Variants in MEI4 observed in about 807,000 individuals in gnomAD.
MEI4 encodes meiosis-specific protein MEI4.
Under a neutral mutation model 31.4 loss-of-function variants are expected in MEI4, and 27 were observed. That is an observed-to-expected ratio of 0.86 (90% confidence interval 0.63 to 1.19). MEI4 has a LOEUF of 1.19. Among genes scored for constraint, MEI4 ranks in the 50% most tolerant of loss-of-function variants. MEI4 has a pLI of 0.00. For synonymous variants in MEI4, 122 were observed against 145.4 expected, an observed-to-expected ratio of 0.84 and a Z score of 1.16; for missense variants, 329 against 398.9, an observed-to-expected ratio of 0.82 and a Z score of 1.49.
At position 77,764,732 on chromosome 6, in the gene MEI4, T is replaced by A. The variant is rs183801123; in HGVS notation, c.768+3067T>A. Among the ~76,000 whole-genome samples, 26 of 152,316 alleles carry A rather than the reference T, an allele frequency of 1.7e-4. 1 individual carries two copies. The East Asian group carries it at 4.8e-3, about 28-fold the overall frequency. ...GTCACAAAACATGTCTTAACCATTT[T>A]AGAAGTTCAAAAGCTTTCTAGATGT... is the stretch of plus-strand genomic sequence containing the variant. On this transcript the variant is annotated intron_variant, in intron 3 of 4. Coordinates refer to ENST00000684080, the MANE Select transcript of MEI4 (RefSeq NM_001322247.2).
intron 4 of MEI4, among the ~76,000 whole-genome samples, chr6:77,891,994 T>G (rs1269030878): frequency 1.3e-5 from 2 of 152,204 alleles, no homozygotes; most frequent in Non-Finnish European, 2.9e-5. Flanking sequence ...GGCAGGTCCT[T>G]GGGCACAGGT....
chr6:77,881,743 G>A (rs1200666969), intron 4 of MEI4, among the ~76,000 whole-genome samples: 1 of 152,204 alleles, frequency 6.6e-6, no homozygotes, highest in Non-Finnish European at 1.5e-5. Context: ...AAAAGTGAAA[G>A]TGTCTTAGAC....
upstream of MEI4, among the ~76,000 whole-genome samples, chr6:77,650,453 T>A (rs911117873): frequency 2.0e-5 from 3 of 152,210 alleles, no homozygotes; most frequent in East Asian, 3.9e-4. Context: ...GTTTCCCCGC[T>A]GGCTCTGGTG....
chr6:77,700,543 C>G (rs533363048), intron 2 of MEI4, among the ~76,000 whole-genome samples: 1 of 152,204 alleles, frequency 6.6e-6, no homozygotes, highest in Non-Finnish European at 1.5e-5. Context: ...TTGCGCTTCC[C>G]GAGTGAGGCA....
At chr6:77,784,268 G>A (rs949271504) in intron 3 of MEI4, among the ~76,000 whole-genome samples, 3 of 152,124 alleles carry the variant, frequency 2.0e-5, no homozygotes, top group Admixed American at 1.3e-4. Context: ...CTTTGTTTTT[G>A]ATGATTTAAT....
intron 2 of MEI4, among the ~76,000 whole-genome samples, chr6:77,711,953 A>G (rs1435930593): frequency 6.6e-6 from 1 of 152,198 alleles, no homozygotes; most frequent in South Asian, 2.1e-4. Context: ...TCCTTAAATT[A>G]GTAGTAATAC....
rs570669368 is a variant in MEI4 at position 77,658,831 on chromosome 6, G to T, written c.-15+5739G>T. Among the ~76,000 whole-genome samples the T allele has an allele frequency of 3.3e-5, 5 of 152,264 alleles. No homozygotes were observed. In the South Asian group the frequency reaches 1.0e-3, roughly 32 times the overall value. On this transcript the variant is annotated intron_variant, in intron 1 of 4. Transcript: ENST00000684080. ...GACCCAGGACATCCAATTAGAGAGT[G>T]CCCAAGGGGGTTCAGCATAATTACT...
At chr6:77,682,154 A>T (rs530369191) in intron 1 of MEI4, among the ~76,000 whole-genome samples, 3 of 152,264 alleles carry the variant, frequency 2.0e-5, no homozygotes, top group Admixed American at 2.0e-4. Context: ...CCACACCGGG[A>T]TTTGATAAAT....
intron 4 of MEI4, among the ~76,000 whole-genome samples, chr6:77,839,393 C>G (rs1215072757): frequency 3.3e-5 from 5 of 152,256 alleles, no homozygotes; most frequent in Middle Eastern, 3.4e-3. Flanking sequence ...CTATCCTTCT[C>G]CAGCCCTTTG....
chr6:77,836,453 G>A (rs568599028), intron 4 of MEI4, among the ~76,000 whole-genome samples: 1 of 152,164 alleles, frequency 6.6e-6, no homozygotes, highest in African/African-American at 2.4e-5. Context: ...ATATTAGCAG[G>A]AGAAATCTCA....
At chr6:77,863,721 C>T (rs1204051708) in intron 4 of MEI4, among the ~76,000 whole-genome samples, 2 of 151,956 alleles carry the variant, frequency 1.3e-5, no homozygotes, top group Non-Finnish European at 2.9e-5. Context: ...ATTCAGGAAA[C>T]ACAGAGAATG....
In MEI4 at chr6:77,926,886, TTTA is replaced by T. The variant is rs1263679195; in HGVS notation, c.*3546_*3548del. On this transcript the variant is annotated 3_prime_UTR_variant, in exon 5 of 5. Transcript: ENST00000684080. ...CTAATATTGAAAAAATATATAGGAT[TTTA>T]TTATTGTTAAAAGTTAATTGATTCC... 6.6e-5 allele frequency: 10 copies of T among 151,940 alleles called. No individual in the cohort carries two copies. The highest frequency in any genetic ancestry group is 2.4e-4 in the African/African-American group (10 of 41,416). The allele number at this position is 151,940 out of a possible 1,614,324, so 9.4% of individuals were successfully genotyped here. A position where few individuals can be genotyped will look rare whatever the true frequency, so the allele number is the denominator to read the frequency against.
chr6:77,862,621 C>A (rs1166433833), intron 4 of MEI4, among the ~76,000 whole-genome samples: 1 of 152,190 alleles, frequency 6.6e-6, no homozygotes, highest in Non-Finnish European at 1.5e-5. Context: ...AGGAGGCCTG[C>A]CTGCCTCTGT....
At chr6:77,789,801 T>C (rs942163549) in intron 3 of MEI4, among the ~76,000 whole-genome samples, 7 of 152,174 alleles carry the variant, frequency 4.6e-5, no homozygotes, top group African/African-American at 1.4e-4. Flanking sequence ...TTTTACACTG[T>C]TGGTGGGACT....
At chr6:77,795,037 AAC>A (rs1769039667) in intron 3 of MEI4, among the ~76,000 whole-genome samples, 1 of 152,162 alleles carries the variant, frequency 6.6e-6, no homozygotes, top group South Asian at 2.1e-4. Flanking sequence ...GAAAAATAGA[AAC>A]ACAACATAGC....
chr6:77,667,968 A>AG (rs1393773818), intron 1 of MEI4, among the ~76,000 whole-genome samples: 2 of 151,746 alleles, frequency 1.3e-5, no homozygotes, highest in African/African-American at 4.8e-5. Flanking sequence ...AAAAAAAAAA[A>AG]AAGGCTTATA....
chr6:77,890,701 C>G (rs1281075615), intron 4 of MEI4, among the ~76,000 whole-genome samples: 1 of 152,142 alleles, frequency 6.6e-6, no homozygotes, highest in African/African-American at 2.4e-5. Flanking sequence ...CCACCCAAAT[C>G]TAATCCTGAA....
intron 2 of MEI4, among the ~76,000 whole-genome samples, chr6:77,705,337 G>A (rs1766308725): frequency 6.6e-6 from 1 of 152,108 alleles, no homozygotes; most frequent in Non-Finnish European, 1.5e-5. Context: ...AGTACATAAA[G>A]TGACATAGCT....
chr6:77,902,500 G>A (rs576719325), intron 4 of MEI4, among the ~76,000 whole-genome samples: 1 of 152,102 alleles, frequency 6.6e-6, no homozygotes, highest in South Asian at 2.1e-4. Context: ...TGATTGTGTG[G>A]CTAGTTCATT....
Sources: gnomAD v4.1 joint callset for allele counts (sites outside exome capture counted in the v4.1 genomes callset) on GRCh38, gnomAD v4.1.1 for gene constraint, MANE v1.5 for transcripts, NCBI Gene and HGNC (gene_info 2026-07-23, HGNC 2026-07-21) for gene names.